Variants in ADAMTS20 observed in about 807,000 individuals in gnomAD.
The protein encoded by ADAMTS20 is ADAM metallopeptidase with thrombospondin type 1 motif 20.
A neutral mutation model predicts 260.1 loss-of-function variants in ADAMTS20; 225 were observed. That is an observed-to-expected ratio of 0.87 (90% confidence interval 0.78 to 0.97). The LOEUF (loss-of-function observed/expected upper bound fraction) is 0.97, where lower values mean the gene tolerates loss of function less well. ADAMTS20 is among the 50% of genes least tolerant of loss of function. ADAMTS20 has a pLI of 0.00. For synonymous variants in ADAMTS20, 802 were observed against 769.5 expected, an observed-to-expected ratio of 1.04 and a Z score of -0.70; for missense variants, 2,400 against 2,337.7, an observed-to-expected ratio of 1.03 and a Z score of -0.55.
At chr12:43,548,201 T>C (rs1397758877) in intron 2 of ADAMTS20, among the ~76,000 whole-genome samples, 1 of 152,078 alleles carries the variant, frequency 6.6e-6, no homozygotes, top group African/African-American at 2.4e-5. Flanking sequence ...AAAAAGCGAC[T>C]AGAAAAAGAA....
At chr12:43,477,898 G>A (rs1426511548) in intron 7 of ADAMTS20, among the ~76,000 whole-genome samples, 1 of 152,040 alleles carries the variant, frequency 6.6e-6, no homozygotes, top group African/African-American at 2.4e-5. Flanking sequence ...ACACCCTTTG[G>A]ACTCCAACAA....
At chr12:43,373,316 G>A (rs996289321) in intron 36 of ADAMTS20, among the ~76,000 whole-genome samples, 1 of 152,224 alleles carries the variant, frequency 6.6e-6, no homozygotes, top group African/African-American at 2.4e-5. Flanking sequence ...AAGCTATTGA[G>A]TGTCTATTAG....
In ADAMTS20 at chr12:43,466,507, G is replaced by T. The variant is rs947733392; in HGVS notation, c.1367+145C>A. 118 of 641,060 alleles carry T rather than the reference G, an allele frequency of 1.8e-4. No individual in the cohort carries two copies. The African/African-American group carries it at 1.8e-3, about 10-fold the overall frequency. The allele number at this position is 641,060 out of a possible 1,614,324, so 39.7% of individuals were successfully genotyped here. On this transcript the variant is annotated intron_variant, in intron 9 of 38. Transcript: ENST00000389420. ...TGTACACATGAACACAACTCTTCTT[G>T]TTCTTAAACATCCATTTGTACAGTG... is the stretch of plus-strand genomic sequence containing the variant.
rs866538848 is a variant in ADAMTS20, at chr12:43,532,123, C to T, written c.526G>A (p.Glu176Lys). The change falls in exon 3 of 39, where the codon GAA (glutamate) becomes AAA (lysine). Residue 176 changes from glutamate (E) to lysine (K), a missense_variant. Coordinates refer to ENST00000389420, the MANE Select transcript of ADAMTS20 (RefSeq NM_025003.5). ...PIMKADGNEY[E>K]DGHNKPHLIY... ...AGATGTGGCTTGTTGTGACCATCTT[C>T]ATATTCATTCCCATCTGCCTTCATT... is the stretch of plus-strand genomic sequence containing the variant. 6.2e-7 allele frequency: 1 copy of T among 1,612,448 alleles called. No individual in the cohort carries two copies. Among genetic ancestry groups the T allele is most frequent in the Non-Finnish European group, 8.5e-7 (1 of 1,179,168 alleles).
At chr12:43,449,194 T>C (rs960562506) in intron 14 of ADAMTS20, among the ~76,000 whole-genome samples, 5 of 152,160 alleles carry the variant, frequency 3.3e-5, no homozygotes, top group Admixed American at 2.6e-4. Context: ...TGTATGTTCA[T>C]TGCAGCACTA....
At chr12:43,531,705 A>G (rs1943223397) in intron 3 of ADAMTS20, among the ~76,000 whole-genome samples, 1 of 152,148 alleles carries the variant, frequency 6.6e-6, no homozygotes, top group Non-Finnish European at 1.5e-5. Flanking sequence ...AGGCTACTGT[A>G]CTGTACATGG....
chr12:43,463,669 T>G lies in ADAMTS20; in HGVS notation c.1510-670A>C, dbSNP rs536930547. Among the ~76,000 whole-genome samples, 77 of 152,308 alleles carry G rather than the reference T, an allele frequency of 5.1e-4. 2 individuals are homozygous for G. Among genetic ancestry groups the G allele is most frequent in the African/African-American group, 1.7e-3 (72 of 41,572 alleles). The stretch of plus-strand genomic sequence containing the variant: ...TAAATGTTTAAAGGCTTATTGAAAT[T>G]TAAGGTTTTAGGAAGAATAGTCGCT... On this transcript the variant is annotated intron_variant, in intron 10 of 38. Coordinates refer to ENST00000389420, the MANE Select transcript of ADAMTS20 (RefSeq NM_025003.5).
In ADAMTS20 at chr12:43,502,394, T is replaced by C; in HGVS notation, c.625A>G (p.Lys209Glu). ...KYCSVSESQI[K>E]ETSLPFHTYS... is the part of the protein sequence containing the mutation. ...GTATGAAAGGGTAAACTGGTTTCCT[T>C]TATTTGACTTTCTAGGGAGAAAAAA... The change falls in exon 4 of 39, where the codon AAG becomes GAG. Residue 209 changes from lysine (K) to glutamate (E), a missense_variant. Coordinates refer to ENST00000389420, the MANE Select transcript of ADAMTS20 (RefSeq NM_025003.5). The C allele has an allele frequency of 6.3e-7, 1 of 1,583,050 alleles. No individual in the cohort carries two copies. The highest frequency in any genetic ancestry group is 1.2e-5 in the South Asian group (1 of 83,822).
Position 43,439,691 on chromosome 12 carries a change from C to T in ADAMTS20, c.2524G>A (p.Glu842Lys). Residue 842 changes from glutamate (E) to lysine (K), a missense_variant, in exon 18 of 39, where the codon GAA (glutamate) becomes AAA (lysine). Glu to Lys is a moderately conservative substitution (Grantham distance 56). Coordinates refer to ENST00000389420, the MANE Select transcript of ADAMTS20 (RefSeq NM_025003.5). ...CATGTGAACATGTCACTCCTCTCTT[C>T]CAAAGGGATATTGAAGGAATAATGT... ...DVHYSFNIPL[E>K]ERSDMFTWDP... 1.2e-6 allele frequency: 2 copies of T among 1,613,772 alleles called. No homozygotes were observed. Among genetic ancestry groups the T allele is most frequent in the Non-Finnish European group, 1.7e-6 (2 of 1,179,822 alleles).
chr12:43,513,745 G>A (rs1942956628), intron 3 of ADAMTS20, among the ~76,000 whole-genome samples: 1 of 152,000 alleles, frequency 6.6e-6, no homozygotes, highest in African/African-American at 2.4e-5. Context: ...AAAATGATGA[G>A]TTCGTGTCCT....
At position 43,432,402 on chromosome 12, in the gene ADAMTS20, G is replaced by T; in HGVS notation, c.2998C>A (p.Arg1000Ser). Reference sequence around the variant, plus strand: ...TCTTGGCATTCATTGTCAGCAAGACGATGGCCAAAGTTATTCATACAATAA... The same window carrying T: ...TCTTGGCATTCATTGTCAGCAAGACTATGGCCAAAGTTATTCATACAATAA... ...ESYCMNNFGH[R>S]LADNECQELS... The change falls in exon 21 of 39, where the codon CGT (arginine) becomes AGT (serine). Residue 1000 changes from arginine to serine, a missense_variant. Coordinates refer to ENST00000389420, the MANE Select transcript of ADAMTS20 (RefSeq NM_025003.5). The T allele has an allele frequency of 6.2e-7, 1 of 1,613,332 alleles. No homozygotes were observed. Among genetic ancestry groups the T allele is most frequent in the Non-Finnish European group, 8.5e-7 (1 of 1,179,804 alleles).
Position 43,439,740 on chromosome 12 carries a change from C to T in ADAMTS20, c.2475G>A (p.Val825=). 6.2e-7 allele frequency: 1 copy of T among 1,609,612 alleles called. No homozygotes were observed. The highest frequency in any genetic ancestry group is 8.5e-7 in the Non-Finnish European group (1 of 1,178,000). Reference sequence around the variant, plus strand: ...GTACATCAGGGTTGTATAAATTACCCACACACAACACCTCAATAAGAATAT... The same window carrying T: ...GTACATCAGGGTTGTATAAATTACCTACACACAACACCTCAATAAGAATAT... ...EKELILQVLC[V]GNLYNPDVHY... The change falls in exon 18 of 39, where the codon GTG becomes GTA. Residue 825 remains valine, a synonymous_variant. Coordinates refer to ENST00000389420, the MANE Select transcript of ADAMTS20 (RefSeq NM_025003.5).
intron 2 of ADAMTS20, among the ~76,000 whole-genome samples, chr12:43,544,991 A>G (rs1005545572): frequency 6.6e-6 from 1 of 152,074 alleles, no homozygotes; most frequent in Non-Finnish European, 1.5e-5. Flanking sequence ...GCTCGCCTCA[A>G]TGCACCTACA....
chr12:43,426,942 C>T (rs920384069), intron 27 of ADAMTS20, among the ~76,000 whole-genome samples: 4 of 152,148 alleles, frequency 2.6e-5, no homozygotes, highest in Admixed American at 2.0e-4. Flanking sequence ...ATAAATTAGT[C>T]GGGAGAATCA....
At chr12:43,511,939 C>A (rs549720604) in intron 3 of ADAMTS20, among the ~76,000 whole-genome samples, 1 of 152,156 alleles carries the variant, frequency 6.6e-6, no homozygotes, top group East Asian at 1.9e-4. Flanking sequence ...GTGACCATAT[C>A]AGATGTATTG....
intron 28 of ADAMTS20, among the ~76,000 whole-genome samples, chr12:43,409,653 C>A (rs1173366045): frequency 7.0e-6 from 1 of 143,818 alleles, no homozygotes; most frequent in Admixed American, 6.8e-5. Context: ...AAGACCAATC[C>A]AAGAATCCCA....
intron 7 of ADAMTS20, among the ~76,000 whole-genome samples, chr12:43,483,009 C>A (rs1178832927): frequency 1.3e-5 from 2 of 152,172 alleles, no homozygotes; most frequent in African/African-American, 4.8e-5. Flanking sequence ...GTCCATGAGC[C>A]AGTATATCAC....
chr12:43,472,747 G>A (rs1942286457), intron 7 of ADAMTS20, among the ~76,000 whole-genome samples: 2 of 150,930 alleles, frequency 1.3e-5, no homozygotes, highest in Non-Finnish European at 3.0e-5. Context: ...AGCTTCATAA[G>A]TGAAGGAGAA....
chr12:43,489,427 A>G (rs1352115956), intron 7 of ADAMTS20, among the ~76,000 whole-genome samples: 1 of 151,970 alleles, frequency 6.6e-6, no homozygotes, highest in Non-Finnish European at 1.5e-5. Flanking sequence ...ATACCACACC[A>G]CAAATATGGG....
Sources: gnomAD v4.1 joint callset for allele counts (sites outside exome capture counted in the v4.1 genomes callset) on GRCh38, gnomAD v4.1.1 for gene constraint, MANE v1.5 for transcripts, NCBI Gene and HGNC (gene_info 2026-07-23, HGNC 2026-07-21) for gene names.